PVT1: variants seen among roughly 807,000 people sequenced by gnomAD.
PVT1 encodes Pvt1 oncogene.
At chr8:128,043,514 C>A (rs145415776) in intron 4 of PVT1, among the ~76,000 whole-genome samples, 1 of 152,132 alleles carries the variant, frequency 6.6e-6, no homozygotes, top group South Asian at 2.1e-4. Context: ...GCATGGCATT[C>A]GCTCGCTCAT....
chr8:128,090,578 G>A (rs1814338397), intron 5 of PVT1, among the ~76,000 whole-genome samples: 1 of 152,140 alleles, frequency 6.6e-6, no homozygotes, highest in Non-Finnish European at 1.5e-5. Context: ...AGGATGGGGG[G>A]CTGAGGAGAA....
chr8:127,943,948 A>G (rs1040719463), intron 3 of PVT1, among the ~76,000 whole-genome samples: 2 of 152,156 alleles, frequency 1.3e-5, no homozygotes, highest in Admixed American at 6.5e-5. Flanking sequence ...CATCCCATCT[A>G]CTTCAGGACT....
intron 4 of PVT1, among the ~76,000 whole-genome samples, chr8:128,042,996 T>C (rs1402204966): frequency 6.6e-6 from 1 of 152,088 alleles, no homozygotes; most frequent in Non-Finnish European, 1.5e-5. Flanking sequence ...ACTCCTGGCC[T>C]CAGGTGATCC....
At chr8:128,025,294 C>G (rs1163276323) in intron 4 of PVT1, among the ~76,000 whole-genome samples, 1 of 152,174 alleles carries the variant, frequency 6.6e-6, no homozygotes, top group East Asian at 1.9e-4. Context: ...GGGCTGGCAG[C>G]TTCTCTGAGG....
intron 2 of PVT1, among the ~76,000 whole-genome samples, chr8:127,841,917 G>T (rs1269026694): frequency 4.0e-5 from 6 of 151,898 alleles, no homozygotes; most frequent in Non-Finnish European, 7.4e-5. Flanking sequence ...GTAGAGACGG[G>T]GTTTCACCGT....
At chr8:128,079,562 A>C (rs571705464) in intron 5 of PVT1, among the ~76,000 whole-genome samples, 1 of 152,116 alleles carries the variant, frequency 6.6e-6, no homozygotes, top group Non-Finnish European at 1.5e-5. Context: ...TACCATTATA[A>C]TATCATACAA....
At chr8:128,042,385 T>C (rs2130090698) in intron 4 of PVT1, among the ~76,000 whole-genome samples, 1 of 152,346 alleles carries the variant, frequency 6.6e-6, no homozygotes, top group South Asian at 2.1e-4. Context: ...GCAAGAGTCC[T>C]CCTGATGACC....
In PVT1 at chr8:127,857,296, A is replaced by G. The variant is rs139007436; in HGVS notation, n.373-33293A>G. Among the ~76,000 whole-genome samples, 691 of 151,574 alleles carry G rather than the reference A, an allele frequency of 4.6e-3. 4 individuals are homozygous for G. Among genetic ancestry groups the G allele is most frequent in the Non-Finnish European group, 7.1e-3 (485 of 67,908 alleles). On this transcript the variant is annotated intron_variant and non_coding_transcript_variant, in intron 2 of 10. Coordinates refer to ENST00000651587, the Ensembl canonical transcript of PVT1. ...CCATGTGCCTACATTGTTCTGGGATACTGAGATGAATAAGACCTCTTTTGG... is the reference window on the plus strand; with the variant it reads ...CCATGTGCCTACATTGTTCTGGGATGCTGAGATGAATAAGACCTCTTTTGG...
intron 2 of PVT1, among the ~76,000 whole-genome samples, chr8:127,853,507 G>A (rs1046215224): frequency 3.3e-5 from 5 of 152,160 alleles, no homozygotes; most frequent in Non-Finnish European, 2.9e-5. Flanking sequence ...GGAGCCATGC[G>A]TGATGGCTCG....
At chr8:127,842,457 G>T (rs923906542) in intron 2 of PVT1, among the ~76,000 whole-genome samples, 1 of 151,544 alleles carries the variant, frequency 6.6e-6, no homozygotes, top group Admixed American at 6.6e-5. Context: ...GTAGAGATAG[G>T]GTCTCTCTTT....
chr8:127,806,977 C>T (rs1271146645), intron 2 of PVT1, among the ~76,000 whole-genome samples: 4 of 152,190 alleles, frequency 2.6e-5, no homozygotes, highest in Non-Finnish European at 5.9e-5. Flanking sequence ...CCACAAGATA[C>T]ATGTTTCATG....
intron 5 of PVT1, among the ~76,000 whole-genome samples, chr8:128,092,229 A>G (rs1474962522): frequency 6.6e-6 from 1 of 151,910 alleles, no homozygotes; most frequent in Non-Finnish European, 1.5e-5. Flanking sequence ...CTCCCCTTCC[A>G]GCACCTTCTG....
chr8:127,876,284 A>G (rs369486567), intron 2 of PVT1, among the ~76,000 whole-genome samples: 9 of 138,134 alleles, frequency 6.5e-5, no homozygotes, highest in Non-Finnish European at 1.1e-4. Context: ...GTGTGTGTGT[A>G]TGTGTGGTTT....
chr8:127,889,252 C>G (rs1195070961), intron 2 of PVT1, among the ~76,000 whole-genome samples: 1 of 151,940 alleles, frequency 6.6e-6, no homozygotes, highest in Non-Finnish European at 1.5e-5. Flanking sequence ...TCCTCGGCCT[C>G]CCAAATAGCT....
rs190148609 is a variant in PVT1, at chr8:127,845,077, G to A, written n.373-45512G>A. The stretch of plus-strand genomic sequence containing the variant: ...GCCTGGAACCTAGCAGGTGTTTTAT[G>A]TGTGGGGGGTGTTGGTTGTAGTAGT... On this transcript the variant is annotated intron_variant and non_coding_transcript_variant, in intron 2 of 10. Coordinates refer to ENST00000651587, the Ensembl canonical transcript of PVT1. 8.5e-5 allele frequency among the ~76,000 whole-genome samples: 13 copies of A among 152,312 alleles called. No homozygotes were observed. In the South Asian group the frequency reaches 1.7e-3, roughly 19 times the overall value.
At chr8:128,077,120 A>G (rs867016368) in intron 5 of PVT1, among the ~76,000 whole-genome samples, 17 of 152,318 alleles carry the variant, frequency 1.1e-4, no homozygotes, top group Admixed American at 2.0e-4. Context: ...GGTGTTTCAC[A>G]TGGGTCAGCA....
At chr8:127,851,300 T>A (rs1268012063) in intron 2 of PVT1, among the ~76,000 whole-genome samples, 1 of 152,166 alleles carries the variant, frequency 6.6e-6, no homozygotes, top group Non-Finnish European at 1.5e-5. Context: ...TGTTTCCCCC[T>A]TTCTTTGGGG....
chr8:128,039,237 T>G (rs1363543884), intron 4 of PVT1, among the ~76,000 whole-genome samples: 1 of 28,236 alleles, frequency 3.5e-5, no homozygotes. Flanking sequence ...GGTTCTTGCC[T>G]CGCCTCCCTT....
chr8:127,984,043 T>A (rs920899339), intron 3 of PVT1: 6 of 151,996 alleles, frequency 3.9e-5, no homozygotes, highest in Admixed American at 3.9e-4. Context: ...AAAGCCTGGC[T>A]AAGTTTTGTA....
Sources: gnomAD v4.1 joint callset for allele counts (sites outside exome capture counted in the v4.1 genomes callset) on GRCh38, gnomAD v4.1.1 for gene constraint, MANE v1.5 for transcripts, NCBI Gene and HGNC (gene_info 2026-07-23, HGNC 2026-07-21) for gene names.